Variants in SPATS2L observed in about 807,000 individuals in gnomAD.
SPATS2L encodes spermatogenesis associated serine rich 2 like, also known as SPATS2-like protein.
In SPATS2L, 30 loss-of-function variants were observed where a neutral mutation model predicts 59.6. The ratio of observed to expected loss-of-function variants is 0.50; its 90% CI spans 0.38 to 0.68. The LOEUF (loss-of-function observed/expected upper bound fraction) is 0.68. Among genes scored for constraint, SPATS2L ranks in the 30% least tolerant of loss-of-function variants. SPATS2L has a pLI of 0.00. For missense variants in SPATS2L, 615 were observed against 700.0 expected, an observed-to-expected ratio of 0.88 and a Z score of 1.37; for synonymous variants, 252 against 263.5, an observed-to-expected ratio of 0.96 and a Z score of 0.42.
In SPATS2L at chr2:200,477,934, T is replaced by G; in HGVS notation, c.1580T>G (p.Val527Gly). Residue 527 changes from valine (V) to glycine (G), a missense_variant, in exon 13 of 13, where the codon GTC (valine) becomes GGC (glycine). By Grantham distance (109) the Val-to-Gly change is moderately radical. This residue lies in a region of SPATS2L where 284 missense variants were observed against 280.1 expected (regional missense o/e 1.01). Coordinates refer to ENST00000409140, the MANE Select transcript of SPATS2L (RefSeq NM_001100423.2). ...GAGGCCAGGCCCTTCCGGGGTAGTG[T>G]CGGTAGGGTTTCACAGTGCAATCTC... ...TSEARPFRGS[V>G]GRVSQCNLCP... The G allele has an allele frequency of 1.2e-6, 2 of 1,611,950 alleles. No homozygotes were observed. Among genetic ancestry groups the G allele is most frequent in the Non-Finnish European group, 8.5e-7 (1 of 1,179,754 alleles).
intron 6 of SPATS2L, among the ~76,000 whole-genome samples, chr2:200,436,238 T>C (rs1436314642): frequency 6.6e-6 from 1 of 152,186 alleles, no homozygotes; most frequent in Non-Finnish European, 1.5e-5. Flanking sequence ...CTGTTATAGC[T>C]CTATAACGCT....
intron 2 of SPATS2L, among the ~76,000 whole-genome samples, chr2:200,364,436 A>G (rs1365895841): frequency 1.3e-5 from 2 of 152,198 alleles, no homozygotes; most frequent in Admixed American, 6.5e-5. Context: ...CAGACGGGCA[A>G]GATTTCCCAC....
In SPATS2L at chr2:200,428,242, T is replaced by A. The variant is rs2083699987; in HGVS notation, c.445+8746T>A. On this transcript the variant is annotated intron_variant, in intron 6 of 12. Coordinates refer to ENST00000409140, the MANE Select transcript of SPATS2L (RefSeq NM_001100423.2). ...TCCAAATAAACTGCTCTAGGTAAGCTGTTATAGGTAAGTTTAGCAATGGCC... is the reference window on the plus strand; with the variant it reads ...TCCAAATAAACTGCTCTAGGTAAGCAGTTATAGGTAAGTTTAGCAATGGCC... 2.0e-5 allele frequency among the ~76,000 whole-genome samples: 3 copies of A among 152,228 alleles called. No homozygotes were observed. The South Asian group carries it at 6.2e-4, about 32-fold the overall frequency.
At chr2:200,447,392 G>C (rs1309457043) in intron 8 of SPATS2L, among the ~76,000 whole-genome samples, 1 of 152,202 alleles carries the variant, frequency 6.6e-6, no homozygotes, top group African/African-American at 2.4e-5. Context: ...CGGTGCCGTA[G>C]TGGTTGAACA....
Position 200,477,983 on chromosome 2 carries a change from C to T in SPATS2L, c.1629C>T (p.Ser543=), listed in dbSNP as rs1312488885. 5 of 1,595,298 alleles carry T rather than the reference C, an allele frequency of 3.1e-6. No individual in the cohort carries two copies. Among genetic ancestry groups the T allele is most frequent in the Non-Finnish European group, 3.4e-6 (4 of 1,170,998 alleles). Residue 543 remains serine, a synonymous_variant, in exon 13 of 13, where the codon TCC becomes TCT. Transcript: ENST00000409140. ...CNLCPTRIEV[S]TDAAVLSVPA... ...TCTGCCCCACGAGAATAGAAGTTTC[C>T]ACAGATGCAGCAGTTCTCTCAGTCC...
At chr2:200,306,614 G>A (rs776508799), upstream of SPATS2L, 3 of 996,120 alleles carry the variant, frequency 3.0e-6, no homozygotes, top group Non-Finnish European at 2.4e-6. Context: ...GAGTGACACC[G>A]AGGGGAAGGC....
chr2:200,464,297 C>T (rs2086438379), intron 9 of SPATS2L, among the ~76,000 whole-genome samples: 1 of 152,108 alleles, frequency 6.6e-6, no homozygotes, highest in Non-Finnish European at 1.5e-5. Flanking sequence ...ATAATGAAAG[C>T]CTTTGAAATG....
intron 11 of SPATS2L, among the ~76,000 whole-genome samples, chr2:200,472,089 C>T (rs1206636893): frequency 6.6e-6 from 1 of 152,132 alleles, no homozygotes; most frequent in African/African-American, 2.4e-5. Context: ...CCTGCCTGAG[C>T]CCTGAGCCCT....
chr2:200,345,268 A>G (rs2080473320), intron 2 of SPATS2L, among the ~76,000 whole-genome samples: 1 of 152,216 alleles, frequency 6.6e-6, no homozygotes, highest in African/African-American at 2.4e-5. Context: ...AAAGTGGTCC[A>G]GTTTCGATCT....
intron 1 of SPATS2L, among the ~76,000 whole-genome samples, chr2:200,318,308 A>G (rs2079446968): frequency 6.6e-6 from 1 of 152,162 alleles, no homozygotes; most frequent in South Asian, 2.1e-4. Flanking sequence ...GATTCAGTAC[A>G]TGTACTGAGC....
At chr2:200,393,643 T>G (rs1055980144) in intron 3 of SPATS2L, among the ~76,000 whole-genome samples, 1 of 152,224 alleles carries the variant, frequency 6.6e-6, no homozygotes, top group Non-Finnish European at 1.5e-5. Flanking sequence ...AACTGAAAAT[T>G]CTGAACGTTT....
intron 6 of SPATS2L, among the ~76,000 whole-genome samples, chr2:200,420,716 ATGT>A (rs1040556831): frequency 2.6e-5 from 4 of 152,154 alleles, no homozygotes; most frequent in African/African-American, 7.2e-5. Flanking sequence ...ATCCAAACAA[ATGT>A]TGTAAATCCG....
chr2:200,448,019 C>A (rs1466572072), intron 8 of SPATS2L, among the ~76,000 whole-genome samples: 2 of 152,172 alleles, frequency 1.3e-5, no homozygotes, highest in Admixed American at 1.3e-4. Flanking sequence ...GTGGTACAGT[C>A]CTTTAGTCCC....
intron 9 of SPATS2L, among the ~76,000 whole-genome samples, chr2:200,465,155 A>T (rs1251134457): frequency 6.6e-6 from 1 of 152,212 alleles, no homozygotes; most frequent in Non-Finnish European, 1.5e-5. Flanking sequence ...CAGGAAACAG[A>T]TAGGTAACAT....
chr2:200,450,781 A>G (rs1021786632), intron 8 of SPATS2L, among the ~76,000 whole-genome samples: 1 of 152,158 alleles, frequency 6.6e-6, no homozygotes, highest in Non-Finnish European at 1.5e-5. Flanking sequence ...TTCCTCCTAA[A>G]AAAGCCCATG....
intron 2 of SPATS2L, among the ~76,000 whole-genome samples, chr2:200,331,254 C>T (rs1016848352): frequency 2.6e-5 from 4 of 152,144 alleles, no homozygotes; most frequent in South Asian, 2.1e-4. Flanking sequence ...TGTTTATTTT[C>T]GATGCAAGTG....
At chr2:200,390,178 C>T (rs1408601073) in intron 3 of SPATS2L, 1 of 152,132 alleles carries the variant, frequency 6.6e-6, no homozygotes, top group African/African-American at 2.4e-5. Context: ...CTCACCATAC[C>T]AAAAATAGAG....
intron 6 of SPATS2L, among the ~76,000 whole-genome samples, chr2:200,429,076 T>C (rs1361144993): frequency 6.6e-6 from 1 of 152,202 alleles, no homozygotes; most frequent in African/African-American, 2.4e-5. Flanking sequence ...CCCAGCATAG[T>C]CTGGCCCCTG....
At position 200,421,910 on chromosome 2, in the gene SPATS2L, T is replaced by C. The variant is rs183998929; in HGVS notation, c.445+2414T>C. On this transcript the variant is annotated intron_variant, in intron 6 of 12. Transcript: ENST00000409140. ...AATCATAGACTAAAAGCTTAGCATA[T>C]ATATTTTTTCATTTACTTATAATTT... Among the ~76,000 whole-genome samples the C allele has an allele frequency of 2.6e-3, 398 of 152,356 alleles. 2 individuals carry two copies. Among genetic ancestry groups the C allele is most frequent in the African/African-American group, 9.1e-3 (379 of 41,590 alleles).
Sources: gnomAD v4.1 joint callset for allele counts (sites outside exome capture counted in the v4.1 genomes callset) on GRCh38, gnomAD v4.1.1 for gene constraint, gnomAD v4.1.1 regional missense constraint, MANE v1.5 for transcripts, NCBI Gene and HGNC (gene_info 2026-07-23, HGNC 2026-07-21) for gene names.